Variants in BSN observed in about 807,000 individuals in gnomAD.
BSN encodes bassoon presynaptic cytomatrix protein, also known as protein bassoon.
BSN carries 57 observed loss-of-function variants against 264.8 expected under a neutral mutation model. The ratio of observed to expected loss-of-function variants is 0.22; its 90% CI spans 0.17 to 0.27. The LOEUF (loss-of-function observed/expected upper bound fraction) is 0.27. Among genes scored for constraint, BSN ranks in the 10% least tolerant of loss-of-function variants. The pLI is 1.00. For synonymous variants in BSN, 2,059 were observed against 2,137.3 expected, an observed-to-expected ratio of 0.96 and a Z score of 1.01; for missense variants, 4,615 against 5,232.5, an observed-to-expected ratio of 0.88 and a Z score of 3.64.
intron 1 of BSN, among the ~76,000 whole-genome samples, chr3:49,614,847 C>T (rs1456424402): frequency 2.0e-5 from 3 of 152,192 alleles, no homozygotes; most frequent in Non-Finnish European, 4.4e-5. Context: ...TCAATTTTCC[C>T]TGAAAGATGT....
intron 3 of BSN, among the ~76,000 whole-genome samples, chr3:49,647,941 C>T (rs554500752): frequency 3.9e-5 from 6 of 152,358 alleles, no homozygotes; most frequent in South Asian, 4.1e-4. Flanking sequence ...TTACTTCACA[C>T]GCCTCTTCCT....
In BSN at chr3:49,669,913, T is replaced by C. The variant is rs1287094110; in HGVS notation, c.*2428T>C. ...ATTGAGCCAGGAGTGCGGCAGGCAG[T>C]ACCTGCCTGACCCTTCAAGGCCTGA... is the stretch of plus-strand genomic sequence containing the variant. On this transcript the variant is annotated 3_prime_UTR_variant, in exon 12 of 12. Coordinates refer to ENST00000296452, the MANE Select transcript of BSN (RefSeq NM_003458.4). 1 of 152,692 alleles carries C rather than the reference T, an allele frequency of 6.5e-6. No individual in the cohort carries two copies. The highest frequency in any genetic ancestry group is 2.4e-5 in the African/African-American group (1 of 41,474). The allele number at this position is 152,692 out of a possible 1,614,324, so 9.5% of individuals were successfully genotyped here.
intron 5 of BSN, among the ~76,000 whole-genome samples, chr3:49,658,756 G>A (rs1002145940): frequency 1.3e-5 from 2 of 152,232 alleles, no homozygotes; most frequent in African/African-American, 2.4e-5. Flanking sequence ...CCTGGCCCTC[G>A]GTAAATCTGT....
chr3:49,605,991 AAT>A (rs1443492215), intron 1 of BSN, among the ~76,000 whole-genome samples: 8 of 92,528 alleles, frequency 8.6e-5, no homozygotes, highest in Non-Finnish European at 1.1e-4. Flanking sequence ...ATAAATAAAA[AAT>A]ATATATTTAT....
chr3:49,606,880 C>T (rs1409099013), intron 1 of BSN, among the ~76,000 whole-genome samples: 1 of 152,150 alleles, frequency 6.6e-6, no homozygotes, highest in Non-Finnish European at 1.5e-5. Flanking sequence ...CTTTGGGAGG[C>T]CGAGGCGGGC....
Position 49,653,195 on chromosome 3 carries a change from C to T in BSN, c.3639C>T (p.Gly1213=), listed in dbSNP as rs766265355. The part of the protein sequence containing the change: ...GQAAGARGPH[G]GPSQPTGPRG... The stretch of plus-strand genomic sequence containing the variant: ...CAGCAGGGGCCCGGGGACCCCATGG[C>T]GGCCCCTCTCAGCCCACAGGCCCCC... The change falls in exon 5 of 12, where the codon GGC becomes GGT. Residue 1213 remains glycine, a synonymous_variant. Coordinates refer to ENST00000296452, the MANE Select transcript of BSN (RefSeq NM_003458.4). The surrounding 1 kb of genome is among the most constrained non-coding windows in gnomAD (Gnocchi z 6.3). 4.3e-5 allele frequency: 70 copies of T among 1,610,410 alleles called. No individual in the cohort carries two copies. Among genetic ancestry groups the T allele is most frequent in the Non-Finnish European group, 5.3e-5 (62 of 1,179,166 alleles).
Position 49,667,862 on chromosome 3 carries a change from C to T in BSN, c.*377C>T, listed in dbSNP as rs1447025085. The T allele has an allele frequency of 1.3e-5, 2 of 152,544 alleles. No individual in the cohort carries two copies. The highest frequency in any genetic ancestry group is 4.8e-5 in the African/African-American group (2 of 41,468). 9.4% of individuals were successfully genotyped at this position (152,544 alleles called of 1,614,324 possible). ...TGTCTTGCCGTACTTCCCACAGCCG[C>T]CTTTTTGCGGCCTGGCCGGCCAGGC... On this transcript the variant is annotated 3_prime_UTR_variant, in exon 12 of 12. Coordinates refer to ENST00000296452, the MANE Select transcript of BSN (RefSeq NM_003458.4).
chr3:49,598,800 A>G (rs560248112), intron 1 of BSN, among the ~76,000 whole-genome samples: 1 of 152,356 alleles, frequency 6.6e-6, no homozygotes, highest in African/African-American at 2.4e-5. Flanking sequence ...TATTCAACAT[A>G]GTAATGGAAG....
At position 49,660,390 on chromosome 3, in the gene BSN, T is replaced by C; in HGVS notation, c.8641-96T>C. Reference sequence around the variant, plus strand: ...GGGCACCAGCAAGATGGAACCCAGCTCCTTCCCCAGCCCAGGCCTGGGTTC... The same window carrying C: ...GGGCACCAGCAAGATGGAACCCAGCCCCTTCCCCAGCCCAGGCCTGGGTTC... On this transcript the variant is annotated intron_variant, in intron 5 of 11. Coordinates refer to ENST00000296452, the MANE Select transcript of BSN (RefSeq NM_003458.4). The surrounding 1 kb of genome is among the most constrained non-coding windows in gnomAD (Gnocchi z 7.1). The C allele has an allele frequency of 6.7e-7, 1 of 1,500,314 alleles. No homozygotes were observed. Among genetic ancestry groups the C allele is most frequent in the Non-Finnish European group, 8.9e-7 (1 of 1,126,158 alleles). The allele number at this position is 1,500,314 out of a possible 1,614,324, so 92.9% of individuals were successfully genotyped here. A position where few individuals can be genotyped will look rare whatever the true frequency, so the allele number is the denominator to read the frequency against.
In BSN at chr3:49,656,601, C is replaced by A; in HGVS notation, c.7045C>A (p.Leu2349Ile). The A allele has an allele frequency of 6.2e-7, 1 of 1,602,726 alleles. No individual in the cohort carries two copies. Among genetic ancestry groups the A allele is most frequent in the South Asian group, 1.1e-5 (1 of 89,568 alleles). ...TGCTCCTGGGGGTGGCAGTGGGGCC[C>A]TCAGCCGGCCAGGGTTCGAGAAAGA... ...DAAPGGGSGA[L>I]SRPGFEKEEA... is the part of the protein sequence containing the mutation. The change falls in exon 5 of 12, where the codon CTC becomes ATC. Residue 2349 changes from leucine (L) to isoleucine (I), a missense_variant. By Grantham distance (5) the Leu-to-Ile change is conservative. This residue lies in a region of BSN where 3,415 missense variants were observed against 3,866.4 expected (regional missense o/e 0.88). Transcript: ENST00000296452.
rs1402515887 is a variant in BSN at position 49,662,330 on chromosome 3, C to A, written c.10485C>A (p.Pro3495=). Residue 3495 remains proline (P), a synonymous_variant, in exon 6 of 12, where the codon CCC becomes CCA. Coordinates refer to ENST00000296452, the MANE Select transcript of BSN (RefSeq NM_003458.4). The part of the protein sequence containing the change: ...SLSMAHSRVR[P]PMRSQASEEE... ...GTATGGCCCACAGCCGGGTACGACC[C>A]CCCATGCGGAGCCAGGCCTCTGAAG... The A allele has an allele frequency of 6.2e-7, 1 of 1,613,640 alleles. No individual in the cohort carries two copies. Among genetic ancestry groups the A allele is most frequent in the Non-Finnish European group, 8.5e-7 (1 of 1,179,816 alleles).
chr3:49,597,071 T>C (rs2108029208), intron 1 of BSN, among the ~76,000 whole-genome samples: 1 of 152,344 alleles, frequency 6.6e-6, no homozygotes, highest in African/African-American at 2.4e-5. Flanking sequence ...TCATCAAATG[T>C]GGGAACTTTT....
At position 49,657,389 on chromosome 3, in the gene BSN, T is replaced by C. The variant is rs550402381; in HGVS notation, c.7833T>C (p.Ser2611=). Residue 2611 remains serine, a synonymous_variant, in exon 5 of 12, where the codon AGT becomes AGC. Transcript: ENST00000296452. The stretch of plus-strand genomic sequence containing the variant: ...GGGCACGGCGGAGTGCTGACTGCAG[T>C]GTGCAGACGGACGACGAAGACAGTG... ...RRRARRSADC[S]VQTDDEDSAE... is the part of the protein sequence containing the mutation. 9 of 1,613,164 alleles carry C rather than the reference T, an allele frequency of 5.6e-6. No individual in the cohort carries two copies. The East Asian group carries it at 1.3e-4, about 24-fold the overall frequency.
At chr3:49,610,902 G>A (rs971672991) in intron 1 of BSN, among the ~76,000 whole-genome samples, 2 of 152,148 alleles carry the variant, frequency 1.3e-5, no homozygotes, top group African/African-American at 4.8e-5. Context: ...GCAGACATTG[G>A]GTGATCTTGC....
chr3:49,657,830 T>A lies in BSN; in HGVS notation c.8274T>A (p.Phe2758Leu). 6.2e-7 allele frequency: 1 copy of A among 1,607,498 alleles called. No homozygotes were observed. Among genetic ancestry groups the A allele is most frequent in the Non-Finnish European group, 8.5e-7 (1 of 1,177,294 alleles). ...TCACCCCAGGGCCTCTGGGCAGATT[T>A]GAAAAAAAGAAGCCAGATCCCCTGG... Reference protein sequence around the residue: ...QIVTPGPLGRFEKKKPDPLEI... With the variant: ...QIVTPGPLGRLEKKKPDPLEI... The change falls in exon 5 of 12, where the codon TTT becomes TTA. Residue 2758 changes from phenylalanine (F) to leucine (L), a missense_variant. Transcript: ENST00000296452.
In BSN at chr3:49,605,262, A is replaced by AAT. The variant is rs1553661503; in HGVS notation, c.225-19703_225-19702dup. Among the ~76,000 whole-genome samples the AAT allele has an allele frequency of 2.6e-5, 3 of 116,134 alleles. No homozygotes were observed. In the East Asian group the frequency reaches 6.5e-4, roughly 25 times the overall value. 76.2% of individuals were successfully genotyped at this position (116,134 alleles called of 152,430 possible). Reference sequence around the variant, plus strand: ...CAAGAGCGAAACTCTGTCTCAAAAAAATATATATATACATATATATACATA... The same window carrying AAT: ...CAAGAGCGAAACTCTGTCTCAAAAAAATATATATATATACATATATATACATA... On this transcript the variant is annotated intron_variant, in intron 1 of 11. Coordinates refer to ENST00000296452, the MANE Select transcript of BSN (RefSeq NM_003458.4).
At chr3:49,626,883 C>T (rs1009576637) in intron 2 of BSN, among the ~76,000 whole-genome samples, 4 of 152,206 alleles carry the variant, frequency 2.6e-5, no homozygotes, top group African/African-American at 9.6e-5. Flanking sequence ...TCCCATTCCT[C>T]ACCAAACCAT....
At chr3:49,557,778 C>T (rs566287049) in intron 1 of BSN, among the ~76,000 whole-genome samples, 18 of 152,204 alleles carry the variant, frequency 1.2e-4, no homozygotes, top group African/African-American at 3.9e-4. Context: ...GGGATTTCAC[C>T]GTGGTCTCGA....
At position 49,656,077 on chromosome 3, in the gene BSN, G is replaced by C. The variant is rs2052596322; in HGVS notation, c.6521G>C (p.Gly2174Ala). 6.2e-7 allele frequency: 1 copy of C among 1,610,874 alleles called. No individual in the cohort carries two copies. The highest frequency in any genetic ancestry group is 8.5e-7 in the Non-Finnish European group (1 of 1,179,344). The change falls in exon 5 of 12, where the codon GGA becomes GCA. Residue 2174 changes from glycine to alanine, a missense_variant. This residue lies in a region of BSN where 3,415 missense variants were observed against 3,866.4 expected (regional missense o/e 0.88). Transcript: ENST00000296452. ...CAGTATGGGCCTGCAGCAGGCCAAG[G>C]AACAGCAGTCAGACAGCTGCTGCCG... is the stretch of plus-strand genomic sequence containing the variant. The part of the protein sequence containing the change: ...LAQYGPAAGQ[G>A]TAVRQLLPST...
Sources: allele counts gnomAD v4.1 joint callset (sites outside exome capture counted in the v4.1 genomes callset), GRCh38; gene constraint gnomAD v4.1.1; regional missense constraint gnomAD v4.1.1; non-coding constraint Gnocchi (gnomAD v3.1); transcripts MANE v1.5; gene names NCBI Gene and HGNC (gene_info 2026-07-23, HGNC 2026-07-21).